TENM3: variants seen among roughly 807,000 people sequenced by gnomAD.
TENM3 encodes teneurin transmembrane protein 3.
TENM3 carries 63 observed loss-of-function variants against 255.1 expected under a neutral mutation model. That is an observed-to-expected ratio of 0.25 (90% CI 0.20 to 0.30). The LOEUF (loss-of-function observed/expected upper bound fraction) is 0.30, where lower values mean the gene tolerates loss of function less well. Among genes scored for constraint, TENM3 ranks in the 10% least tolerant of loss-of-function variants. TENM3 has a pLI of 1.00. For synonymous variants in TENM3, 1,306 were observed against 1,322.3 expected (o/e 0.99, Z 0.27); for missense variants, 2,929 against 3,461.1 (o/e 0.85, Z 3.86).
the TENM3 span, among the ~76,000 whole-genome samples, chr4:181,581,221 G>T: frequency 6.6e-6 from 1 of 152,030 alleles, no homozygotes; most frequent in Non-Finnish European, 1.5e-5. Context: ...CTGGTGGATC[G>T]CTTGAGCTCA....
At chr4:181,711,303 T>A in the TENM3 span, among the ~76,000 whole-genome samples, 1 of 151,466 alleles carries the variant, frequency 6.6e-6, no homozygotes, top group Non-Finnish European at 1.5e-5. Context: ...AAATCATATA[T>A]CAGTTTAAAT....
chr4:181,721,030 A>C, the TENM3 span, among the ~76,000 whole-genome samples: 1 of 152,120 alleles, frequency 6.6e-6, no homozygotes, highest in Admixed American at 6.5e-5. Flanking sequence ...GCATGAAGGC[A>C]GAGTCAGGGA....
intron 6 of TENM3, among the ~76,000 whole-genome samples, chr4:182,667,103 A>G (rs979923869): frequency 2.0e-5 from 3 of 152,208 alleles, no homozygotes; most frequent in Non-Finnish European, 4.4e-5. Context: ...TAGCTCATTT[A>G]ATTTATGGGA....
rs750273630 is a variant in TENM3, at chr4:182,793,713, C to A, written c.7041C>A (p.Thr2347=). 1 of 1,613,986 alleles carries A rather than the reference C, an allele frequency of 6.2e-7. No individual in the cohort carries two copies. Among genetic ancestry groups the A allele is most frequent in the South Asian group, 1.1e-5 (1 of 91,084 alleles). Residue 2347 remains threonine (T), a synonymous_variant, in exon 26 of 28, where the codon ACC becomes ACA. Coordinates refer to ENST00000511685, the MANE Select transcript of TENM3 (RefSeq NM_001080477.4). This position sits in a 1 kb window ranked among gnomAD's most constrained non-coding sequence, Gnocchi z 5.7. The part of the protein sequence containing the change: ...GFHGGLYDPL[T]KLIHFGERDY... ...ATGGTGGCCTGTATGACCCACTCAC[C>A]AAATTAATCCACTTTGGAGAAAGAG...
At chr4:182,647,625 T>C (rs1752871436) in intron 5 of TENM3, among the ~76,000 whole-genome samples, 1 of 152,222 alleles carries the variant, frequency 6.6e-6, no homozygotes, top group Admixed American at 6.5e-5. Flanking sequence ...CATTCATCCA[T>C]TGATGGGCAT....
At chr4:181,900,118 A>G in the TENM3 span, among the ~76,000 whole-genome samples, 2 of 152,304 alleles carry the variant, frequency 1.3e-5, no homozygotes, top group East Asian at 3.9e-4. Context: ...ATATGAGTTT[A>G]TCTTCAAAAT....
Position 182,800,318 on chromosome 4 carries a change from G to A in TENM3, c.8067G>A (p.Gln2689=), listed in dbSNP as rs1455068040. The A allele has an allele frequency of 6.3e-7, 1 of 1,593,054 alleles. No individual in the cohort carries two copies. The highest frequency in any genetic ancestry group is 8.5e-7 in the Non-Finnish European group (1 of 1,177,826). The change falls in exon 28 of 28, where the codon CAG becomes CAA. Residue 2689 remains glutamine, a synonymous_variant. Transcript: ENST00000511685. ...PELADSANNI[Q]FLRQSEIGRR ...TGGCCGACAGCGCCAACAACATCCA[G>A]TTCCTGCGGCAGAGCGAGATCGGCA...
the TENM3 span, among the ~76,000 whole-genome samples, chr4:182,019,670 T>C: frequency 6.6e-6 from 1 of 152,142 alleles, no homozygotes; most frequent in Admixed American, 6.5e-5. Context: ...GATATTTACT[T>C]GGGTTGTTGT....
the TENM3 span, among the ~76,000 whole-genome samples, chr4:182,064,374 C>T: frequency 6.6e-6 from 1 of 151,906 alleles, no homozygotes; most frequent in East Asian, 1.9e-4. Context: ...GTCAGGAGAT[C>T]CAGATCATCC....
chr4:182,459,949 C>A (rs1045775258), intron 3 of TENM3, among the ~76,000 whole-genome samples: 2 of 151,990 alleles, frequency 1.3e-5, no homozygotes, highest in South Asian at 2.1e-4. Context: ...TTAAAAATAA[C>A]CTCCTTGTGT....
chr4:181,541,755 T>C, the TENM3 span, among the ~76,000 whole-genome samples: 1 of 152,180 alleles, frequency 6.6e-6, no homozygotes, highest in African/African-American at 2.4e-5. Context: ...TCCAAAATAC[T>C]CAGAACCTCA....
chr4:182,312,561 A>C (rs1244511063), intron 1 of TENM3, among the ~76,000 whole-genome samples: 3 of 152,198 alleles, frequency 2.0e-5, no homozygotes, highest in Non-Finnish European at 4.4e-5. Flanking sequence ...CCATTCGGAT[A>C]CCACAGTATT....
chr4:182,400,990 C>T (rs937730129), intron 3 of TENM3, among the ~76,000 whole-genome samples: 6 of 152,128 alleles, frequency 3.9e-5, no homozygotes, highest in African/African-American at 7.2e-5. Context: ...GCTGCTGGTG[C>T]GTAGTGGATG....
chr4:181,879,293 G>T, the TENM3 span, among the ~76,000 whole-genome samples: 1 of 152,030 alleles, frequency 6.6e-6, no homozygotes, highest in Non-Finnish European at 1.5e-5. Flanking sequence ...GGGAGGGAGA[G>T]AAAGTAGAGA....
At chr4:181,474,640 CAGG>C in the TENM3 span, among the ~76,000 whole-genome samples, 11 of 150,728 alleles carry the variant, frequency 7.3e-5, no homozygotes, top group Non-Finnish European at 1.5e-5. Flanking sequence ...GAGGCTGAGG[CAGG>C]AGAATTGCTT....
At chr4:182,092,345 TAAAC>T in the TENM3 span, among the ~76,000 whole-genome samples, 63 of 148,888 alleles carry the variant, frequency 4.2e-4, no homozygotes, top group South Asian at 1.3e-3. Context: ...AATAAATAAA[TAAAC>T]AAACAAACAA....
chr4:182,670,241 G>A (rs955997146), intron 6 of TENM3, among the ~76,000 whole-genome samples: 3 of 152,060 alleles, frequency 2.0e-5, no homozygotes, highest in Non-Finnish European at 4.4e-5. Context: ...TATAATCTAA[G>A]AGTTGATGTG....
chr4:182,532,426 A>G (rs1739865492), intron 3 of TENM3, among the ~76,000 whole-genome samples: 1 of 152,218 alleles, frequency 6.6e-6, no homozygotes, highest in Non-Finnish European at 1.5e-5. Flanking sequence ...TTCTTGTGTT[A>G]GACATGCCAT....
the TENM3 span, among the ~76,000 whole-genome samples, chr4:181,870,843 T>A: frequency 6.6e-6 from 1 of 152,106 alleles, no homozygotes; most frequent in African/African-American, 2.4e-5. Flanking sequence ...GTGTTCTTGG[T>A]GCTTTCTGTA....
Sources: allele counts gnomAD v4.1 joint callset (sites outside exome capture counted in the v4.1 genomes callset), GRCh38; gene constraint gnomAD v4.1.1; non-coding constraint Gnocchi (gnomAD v3.1); transcripts MANE v1.5; gene names NCBI Gene and HGNC (gene_info 2026-07-23, HGNC 2026-07-21).